Variants in SEMA5A observed in about 807,000 individuals in gnomAD.
The protein encoded by SEMA5A is semaphorin 5A, also known as semaphorin-5A.
Under a neutral mutation model 135.5 loss-of-function variants are expected in SEMA5A, and 55 were observed. The ratio of observed to expected loss-of-function variants is 0.41; its 90% CI spans 0.33 to 0.51. The LOEUF (loss-of-function observed/expected upper bound fraction) is 0.51, where lower values mean the gene tolerates loss of function less well. Ranked by LOEUF, SEMA5A falls within the 20% of genes least tolerant of loss-of-function variation. The probability of loss-of-function intolerance (pLI) is 0.37; values close to 1 mark genes in which losing one functional copy is unlikely to be tolerated. For missense variants in SEMA5A, 1,290 were observed against 1,419.9 expected (o/e 0.91, Z 1.47); for synonymous variants, 580 against 546.5 (o/e 1.06, Z -0.85).
At chr5:9,071,333 C>T (rs563100481) in intron 16 of SEMA5A, among the ~76,000 whole-genome samples, 27 of 152,252 alleles carry the variant, frequency 1.8e-4, no homozygotes, top group African/African-American at 5.8e-4. Flanking sequence ...ATTCAGGCCC[C>T]CATCACCATA....
At chr5:9,468,968 TGGTGA>T (rs1163766335) in intron 1 of SEMA5A, among the ~76,000 whole-genome samples, 7 of 152,176 alleles carry the variant, frequency 4.6e-5, no homozygotes, top group Admixed American at 1.3e-4. Context: ...ATTTCTATGT[TGGTGA>T]GGCTTAAGAG....
intron 5 of SEMA5A, among the ~76,000 whole-genome samples, chr5:9,305,131 G>C (rs564392319): frequency 6.6e-6 from 1 of 152,136 alleles, no homozygotes; most frequent in Non-Finnish European, 1.5e-5. Context: ...CCTCTCGCCT[G>C]TATTGGAGCC....
intron 5 of SEMA5A, among the ~76,000 whole-genome samples, chr5:9,304,222 T>C (rs1751749769): frequency 1.3e-5 from 2 of 152,156 alleles, no homozygotes; most frequent in Non-Finnish European, 2.9e-5. Flanking sequence ...TTTTTCTTAG[T>C]GATAAAAATA....
chr5:9,539,920 A>G (rs1737985218), intron 1 of SEMA5A, among the ~76,000 whole-genome samples: 1 of 152,192 alleles, frequency 6.6e-6, no homozygotes, highest in Non-Finnish European at 1.5e-5. Context: ...TCCACCTGCC[A>G]GTTTACAAAG....
intron 2 of SEMA5A, among the ~76,000 whole-genome samples, chr5:9,382,623 A>G (rs771065774): frequency 2.0e-5 from 3 of 152,240 alleles, no homozygotes; most frequent in Non-Finnish European, 4.4e-5. Flanking sequence ...AGTTGGCTCA[A>G]TATGAATAAA....
intron 6 of SEMA5A, among the ~76,000 whole-genome samples, chr5:9,236,270 G>A (rs79825207): frequency 0.012 from 1,807 of 152,246 alleles, 14 homozygotes; most frequent in Non-Finnish European, 0.017. Flanking sequence ...TGAGAGCATG[G>A]AACAGTGGTG....
At chr5:9,090,994 T>C (rs182330153) in intron 16 of SEMA5A, among the ~76,000 whole-genome samples, 1 of 152,188 alleles carries the variant, frequency 6.6e-6, no homozygotes, top group African/African-American at 2.4e-5. Context: ...CTGTTGTAAG[T>C]AGTTATGTAG....
At chr5:9,287,486 T>A (rs1750857917) in intron 5 of SEMA5A, among the ~76,000 whole-genome samples, 1 of 152,216 alleles carries the variant, frequency 6.6e-6, no homozygotes. Context: ...TAAATAATAA[T>A]TTAAATGTCA....
In SEMA5A at chr5:9,051,883, A is replaced by G; in HGVS notation, c.2835T>C (p.Asn945=). The part of the protein sequence containing the change: ...TESRPCVFDS[N]FIPEVSVARS... ...TACCTCTGCTCTTACCTGGGATGAAATTAGAGTCAAACACACACGGCCGGC... is the reference window on the plus strand; with the variant it reads ...TACCTCTGCTCTTACCTGGGATGAAGTTAGAGTCAAACACACACGGCCGGC... The change falls in exon 20 of 23, where the codon AAT becomes AAC. Residue 945 remains asparagine, a synonymous_variant. Coordinates refer to ENST00000382496, the MANE Select transcript of SEMA5A (RefSeq NM_003966.3). 1 of 1,614,184 alleles carries G rather than the reference A, an allele frequency of 6.2e-7. No individual in the cohort carries two copies. The highest frequency in any genetic ancestry group is 8.5e-7 in the Non-Finnish European group (1 of 1,180,024).
At chr5:9,284,105 T>A (rs906005439) in intron 5 of SEMA5A, among the ~76,000 whole-genome samples, 1 of 66,042 alleles carries the variant, frequency 1.5e-5, no homozygotes, top group Non-Finnish European at 3.7e-5. Flanking sequence ...TAGATAGATA[T>A]TAGAGAGAGA....
intron 18 of SEMA5A, among the ~76,000 whole-genome samples, chr5:9,055,680 C>T (rs560546350): frequency 1.3e-5 from 2 of 151,970 alleles, no homozygotes; most frequent in South Asian, 4.2e-4. Flanking sequence ...ATATTTGAAC[C>T]CAATTTAGAA....
chr5:9,421,570 GT>G (rs2126632580), intron 2 of SEMA5A, among the ~76,000 whole-genome samples: 1 of 152,278 alleles, frequency 6.6e-6, no homozygotes, highest in South Asian at 2.1e-4. Context: ...GGGTGAAATA[GT>G]TTGTATATTT....
chr5:9,080,614 A>G (rs1469528971), intron 16 of SEMA5A, among the ~76,000 whole-genome samples: 1 of 151,992 alleles, frequency 6.6e-6, no homozygotes, highest in African/African-American at 2.4e-5. Context: ...AATTGGTAAA[A>G]CTACTAAAGA....
At chr5:9,416,301 A>G (rs1757281655) in intron 2 of SEMA5A, among the ~76,000 whole-genome samples, 2 of 152,168 alleles carry the variant, frequency 1.3e-5, no homozygotes, top group African/African-American at 4.8e-5. Context: ...AGGTCAGGGA[A>G]GATAGAGGGT....
At chr5:9,098,603 A>G (rs1739456230) in intron 16 of SEMA5A, among the ~76,000 whole-genome samples, 1 of 152,240 alleles carries the variant, frequency 6.6e-6, no homozygotes, top group African/African-American at 2.4e-5. Flanking sequence ...TAACAGTTAA[A>G]AAATCTGACA....
At chr5:9,400,501 A>ATTTTT (rs1215358817) in intron 2 of SEMA5A, among the ~76,000 whole-genome samples, 60 of 87,010 alleles carry the variant, frequency 6.9e-4, no homozygotes, top group Admixed American at 1.3e-3. Flanking sequence ...CACAATGTAC[A>ATTTTT]TTTTTTTTTT....
chr5:9,135,836 C>CA lies in SEMA5A; in HGVS notation c.1599+667dup, dbSNP rs201510311. 2.7e-3 allele frequency among the ~76,000 whole-genome samples: 410 copies of CA among 150,614 alleles called. 3 individuals carry two copies. Among genetic ancestry groups the CA allele is most frequent in the African/African-American group, 9.6e-3 (395 of 41,094 alleles). ...CAAAAACCCTCCAAAAACAAACAAA[C>CA]AAAAAAAAAGCAAAAAATATTCTAA... On this transcript the variant is annotated intron_variant, in intron 13 of 22. Transcript: ENST00000382496.
intron 1 of SEMA5A, among the ~76,000 whole-genome samples, chr5:9,444,685 T>C (rs1040811091): frequency 2.0e-5 from 3 of 152,368 alleles, no homozygotes; most frequent in Non-Finnish European, 2.9e-5. Flanking sequence ...TAATGACTTA[T>C]ATTCCTTTGG....
chr5:9,215,647 T>C (rs1211527514), intron 8 of SEMA5A, among the ~76,000 whole-genome samples: 3 of 152,174 alleles, frequency 2.0e-5, no homozygotes, highest in Non-Finnish European at 4.4e-5. Context: ...TGCCGGCACC[T>C]TGATTTTGGA....
Sources: allele counts gnomAD v4.1 joint callset (sites outside exome capture counted in the v4.1 genomes callset), GRCh38; gene constraint gnomAD v4.1.1; transcripts MANE v1.5; gene names NCBI Gene and HGNC (gene_info 2026-07-23, HGNC 2026-07-21).